The following TEX14 variants were observed in gnomAD, a reference collection of about 807,000 sequenced individuals.
TEX14 encodes the protein inactive serine/threonine-protein kinase TEX14.
Under a neutral mutation model 178.6 loss-of-function variants are expected in TEX14, and 168 were observed. That is an observed-to-expected ratio of 0.94 (90% CI 0.83 to 1.07). The LOEUF (loss-of-function observed/expected upper bound fraction) is 1.07, where lower values mean the gene tolerates loss of function less well. Ranked by LOEUF, TEX14 falls within the 50% of genes least tolerant of loss-of-function variation. The probability of loss-of-function intolerance (pLI) is 0.00; values close to 1 mark genes in which losing one functional copy is unlikely to be tolerated. For missense variants in TEX14, 1,730 were observed against 1,753.6 expected (o/e 0.99, Z 0.24); for synonymous variants, 626 against 634.1 (o/e 0.99, Z 0.19).
chr17:58,581,657 C>G, intron 19 of TEX14: 1 of 1,613,584 alleles, frequency 6.2e-7, no homozygotes, highest in Non-Finnish European at 8.5e-7. Context: ...AAAATATTCA[C>G]CGTCTGGAGT....
At chr17:58,577,070 A>C (rs1002108001) in intron 21 of TEX14, among the ~76,000 whole-genome samples, 1 of 152,200 alleles carries the variant, frequency 6.6e-6, no homozygotes, top group Admixed American at 6.5e-5. Flanking sequence ...TTAAGTTCCT[A>C]TTGTCAACAT....
chr17:58,604,363 C>T (rs976757121), intron 11 of TEX14, among the ~76,000 whole-genome samples: 22 of 148,896 alleles, frequency 1.5e-4, no homozygotes, highest in Admixed American at 5.3e-4. Flanking sequence ...CCCAGCTACT[C>T]GGGAGGCTGA....
chr17:58,670,771 T>TCAAAAAAAAAAAAAAAAA lies in TEX14; in HGVS notation c.-1-18770_-1-18769insTTTTTTTTTTTTTTTTTG, dbSNP rs1598432610. Reference sequence around the variant, plus strand: ...CTGGGCGACAGAGTGAGACTCCCTCTTAAAAAAAAAAAAAAAAAAAAAAAA... The same window carrying TCAAAAAAAAAAAAAAAAA: ...CTGGGCGACAGAGTGAGACTCCCTCTCAAAAAAAAAAAAAAAAATAAAAAAAAAAAAAAAAAAAAAAAA... On this transcript the variant is annotated intron_variant, in intron 1 of 31. Transcript: ENST00000349033. Among the ~76,000 whole-genome samples the TCAAAAAAAAAAAAAAAAA allele has an allele frequency of 2.5e-4, 2 of 7,954 alleles. 1 individual carries two copies. The highest frequency in any genetic ancestry group is 9.2e-4 in the African/African-American group (2 of 2,180). 5.2% of individuals were successfully genotyped at this position (7,954 alleles called of 152,430 possible). A position where few individuals can be genotyped will look rare whatever the true frequency, so the allele number is the denominator to read the frequency against.
At chr17:58,662,678 C>G (rs773936623) in intron 1 of TEX14, among the ~76,000 whole-genome samples, 2 of 152,142 alleles carry the variant, frequency 1.3e-5, no homozygotes, top group African/African-American at 2.4e-5. Flanking sequence ...CTCACCTCAT[C>G]TCTGAATTTC....
At chr17:58,564,608 C>A (rs549170340) in intron 28 of TEX14, among the ~76,000 whole-genome samples, 1 of 152,190 alleles carries the variant, frequency 6.6e-6, no homozygotes, top group East Asian at 1.9e-4. Flanking sequence ...TGTGAATATA[C>A]TTATTAAGGT....
chr17:58,557,073 A>G, intron 31 of TEX14, 26 bp from the exon 32 acceptor site: 1 of 1,608,812 alleles, frequency 6.2e-7, no homozygotes, highest in Non-Finnish European at 8.5e-7. Flanking sequence ...TTAAAGAACA[A>G]AAAAGGAAGT....
chr17:58,666,528 T>A (rs144238135), intron 1 of TEX14: 15 of 128,170 alleles, frequency 1.2e-4, no homozygotes, highest in African/African-American at 4.1e-4. Flanking sequence ...GCATTTCAAC[T>A]ACCACAACCA....
chr17:58,613,637 A>G, intron 8 of TEX14, 93 bp from the exon 9 acceptor site: 7 of 1,276,770 alleles, frequency 5.5e-6, no homozygotes, highest in Non-Finnish European at 7.8e-6. Flanking sequence ...CTAAACAAAT[A>G]CCATTTGTAT....
chr17:58,669,496 G>A (rs2143456057), intron 1 of TEX14, among the ~76,000 whole-genome samples: 1 of 152,136 alleles, frequency 6.6e-6, no homozygotes, highest in Admixed American at 6.5e-5. Context: ...ACTTTCGGAG[G>A]CCGAGGTTAA....
chr17:58,585,810 T>A lies in TEX14; in HGVS notation c.3061A>T (p.Ser1021Cys). The A allele has an allele frequency of 6.2e-7, 1 of 1,613,926 alleles. No homozygotes were observed. The highest frequency in any genetic ancestry group is 8.5e-7 in the Non-Finnish European group (1 of 1,179,892). The change falls in exon 18 of 32, where the codon AGC becomes TGC. Residue 1021 changes from serine (S) to cysteine (C), a missense_variant. By Grantham distance (112) the Ser-to-Cys change is moderately radical (BLOSUM62 -1). This residue lies in a region of TEX14 where 941 missense variants were observed against 1,072.4 expected (regional missense o/e 0.88). Coordinates refer to ENST00000349033, the MANE Select transcript of TEX14 (RefSeq NM_031272.5). ...CCGCAAGTGAACTTACTGGTGAAGC[T>A]TCCAAGCCTGGGCTGTCTGCCATGC... ...DQHGRQPRLGSFTSIRHPSPR... is the reference protein window; with the variant it reads ...DQHGRQPRLGCFTSIRHPSPR...
chr17:58,634,565 G>T (rs1193021205), intron 2 of TEX14, among the ~76,000 whole-genome samples: 6 of 152,160 alleles, frequency 3.9e-5, no homozygotes, highest in Non-Finnish European at 8.8e-5. Context: ...TCCTACACTA[G>T]AAGGTAGGAA....
At chr17:58,574,396 T>C in intron 21 of TEX14, 147 bp from the exon 22 acceptor site, 1 of 643,312 alleles carries the variant, frequency 1.6e-6, no homozygotes, top group South Asian at 1.9e-5. Context: ...GTGAGTTCTG[T>C]GCCAGGCACG....
At chr17:58,568,996 C>T (rs2044463222) in intron 26 of TEX14, among the ~76,000 whole-genome samples, 196 bp downstream of exon 26, 1 of 152,146 alleles carries the variant, frequency 6.6e-6, no homozygotes, top group African/African-American at 2.4e-5. Context: ...AGCCAATCAT[C>T]CTGGCCAGGC....
chr17:58,600,559 CAA>C (rs36057622), intron 13 of TEX14, among the ~76,000 whole-genome samples: 13 of 114,576 alleles, frequency 1.1e-4, no homozygotes, highest in Admixed American at 1.8e-4. Context: ...GAAACTGTCT[CAA>C]AAAAAAAAAA....
At chr17:58,655,236 T>G (rs993465653) in intron 1 of TEX14, among the ~76,000 whole-genome samples, 10 of 151,868 alleles carry the variant, frequency 6.6e-5, no homozygotes, top group Admixed American at 4.6e-4. Flanking sequence ...TGGGCTGGAG[T>G]GCAGGGGCGC....
rs2045210610 is a variant in TEX14, at chr17:58,593,634, GTTTT to G, written c.2493_2496del (p.Lys832ArgfsTer70). ...CACTGAAATTGTTCATCTGTGTTCT[GTTTT>G]CCAGGGTCACAAAGAGTCGGCAGCT... On this transcript the variant is annotated frameshift_variant, in exon 15 of 32. Transcript: ENST00000349033. LOFTEE classifies it high-confidence loss of function. The G allele has an allele frequency of 6.2e-7, 1 of 1,614,080 alleles. No individual in the cohort carries two copies. Among genetic ancestry groups the G allele is most frequent in the Non-Finnish European group, 8.5e-7 (1 of 1,179,956 alleles).
chr17:58,647,532 A>T (rs868145483), intron 2 of TEX14, among the ~76,000 whole-genome samples: 8 of 151,344 alleles, frequency 5.3e-5, no homozygotes, highest in Middle Eastern at 3.4e-3. Flanking sequence ...ACTCCGTCTC[A>T]AAGAAAAAAA....
chr17:58,654,895 C>T (rs775734912), intron 1 of TEX14, among the ~76,000 whole-genome samples: 2 of 152,088 alleles, frequency 1.3e-5, no homozygotes, highest in African/African-American at 2.4e-5. Context: ...AACACCCTGA[C>T]ATTTCGGCAC....
chr17:58,581,464 T>G, intron 19 of TEX14: 1 of 843,576 alleles, frequency 1.2e-6, no homozygotes, highest in East Asian at 2.8e-5. Context: ...AATGCATGGG[T>G]TCATATCACA....
Sources: allele counts gnomAD v4.1 joint callset (sites outside exome capture counted in the v4.1 genomes callset), GRCh38; gene constraint gnomAD v4.1.1; regional missense constraint gnomAD v4.1.1; transcripts MANE v1.5; gene names NCBI Gene and HGNC (gene_info 2026-07-23, HGNC 2026-07-21).